The following MNAT1 variants were observed in gnomAD, a reference collection of about 807,000 sequenced individuals.
The protein encoded by MNAT1 is CDK-activating kinase assembly factor MAT1.
A neutral mutation model predicts 42.0 loss-of-function variants in MNAT1; 43 were observed. The ratio of observed to expected loss-of-function variants is 1.02; its 90% confidence interval spans 0.80 to 1.32. The LOEUF is 1.32. MNAT1 is among the 40% of genes most tolerant of loss of function. MNAT1 has a pLI of 0.00. For missense variants in MNAT1, 306 were observed against 350.4 expected, an observed-to-expected ratio of 0.87 and a Z score of 1.01; for synonymous variants, 118 against 120.0, an observed-to-expected ratio of 0.98 and a Z score of 0.11.
chr14:60,857,102 A>C (rs988031580), intron 6 of MNAT1, among the ~76,000 whole-genome samples: 10 of 152,210 alleles, frequency 6.6e-5, no homozygotes, highest in Non-Finnish European at 1.2e-4. Flanking sequence ...TGGCTTGCTG[A>C]ATATTTGAAG....
At chr14:60,769,339 A>G (rs946588602) in intron 1 of MNAT1, among the ~76,000 whole-genome samples, 2 of 152,120 alleles carry the variant, frequency 1.3e-5, no homozygotes, top group Non-Finnish European at 2.9e-5. Context: ...GTGGGACAAC[A>G]TAACTCACTG....
intron 7 of MNAT1, among the ~76,000 whole-genome samples, chr14:60,933,130 G>C (rs1261800061): frequency 6.6e-6 from 1 of 151,968 alleles, no homozygotes; most frequent in Admixed American, 6.6e-5. Context: ...ATATATGGAA[G>C]AGCCTAGAAT....
chr14:60,946,928 C>T (rs903997887), intron 7 of MNAT1, among the ~76,000 whole-genome samples: 6 of 152,130 alleles, frequency 3.9e-5, no homozygotes, highest in Admixed American at 1.3e-4. Context: ...TGATTGCTGG[C>T]GAGGGCTCTC....
At chr14:60,790,243 G>A (rs1157730684) in intron 1 of MNAT1, among the ~76,000 whole-genome samples, 1 of 152,040 alleles carries the variant, frequency 6.6e-6, no homozygotes, top group African/African-American at 2.4e-5. Flanking sequence ...TAAATCTTGG[G>A]ACCCCCAAAA....
At chr14:60,753,869 C>A (rs2030211839) in intron 1 of MNAT1, 1 of 152,178 alleles carries the variant, frequency 6.6e-6, no homozygotes, top group Non-Finnish European at 1.5e-5. Context: ...GCTTGTATAA[C>A]CAATCGAATA....
At chr14:60,776,345 G>T (rs540233064) in intron 1 of MNAT1, among the ~76,000 whole-genome samples, 13 of 151,982 alleles carry the variant, frequency 8.6e-5, no homozygotes, top group East Asian at 7.7e-4. Context: ...CCAGCAGAGA[G>T]ATATATATAT....
chr14:60,831,847 C>T (rs2033229372), intron 6 of MNAT1, among the ~76,000 whole-genome samples: 2 of 152,238 alleles, frequency 1.3e-5, no homozygotes, highest in South Asian at 2.1e-4. Flanking sequence ...CTATTGTTTC[C>T]TGACTTTTTA....
chr14:60,774,266 A>T (rs1483099343), intron 1 of MNAT1, among the ~76,000 whole-genome samples: 2 of 152,194 alleles, frequency 1.3e-5, no homozygotes, highest in Admixed American at 1.3e-4. Context: ...GGAGGCAGCC[A>T]TGGGAAGATT....
intron 6 of MNAT1, among the ~76,000 whole-genome samples, chr14:60,845,495 G>C (rs1047698344): frequency 2.6e-5 from 4 of 151,948 alleles, no homozygotes; most frequent in Non-Finnish European, 5.9e-5. Context: ...AGATGTTGTT[G>C]ATCTAGTCAC....
At chr14:60,821,541 G>A (rs1334826580) in intron 6 of MNAT1, among the ~76,000 whole-genome samples, 1 of 152,060 alleles carries the variant, frequency 6.6e-6, no homozygotes, top group African/African-American at 2.4e-5. Context: ...GTGACTTTAT[G>A]GTGTTTACTC....
At chr14:60,819,085 CTACTT>C (rs997400277) in intron 6 of MNAT1, among the ~76,000 whole-genome samples, 11 of 151,954 alleles carry the variant, frequency 7.2e-5, no homozygotes, top group Admixed American at 3.9e-4. Flanking sequence ...CTTTCTTACT[CTACTT>C]ACATTTTTAA....
At chr14:60,959,449 T>G (rs1425032550) in intron 7 of MNAT1, among the ~76,000 whole-genome samples, 1 of 152,228 alleles carries the variant, frequency 6.6e-6, no homozygotes, top group Non-Finnish European at 1.5e-5. Context: ...TAACTAATGC[T>G]GGTTGCTGAT....
At chr14:60,747,285 A>C (rs2029881222) in intron 1 of MNAT1, among the ~76,000 whole-genome samples, 1 of 152,026 alleles carries the variant, frequency 6.6e-6, no homozygotes, top group Non-Finnish European at 1.5e-5. Context: ...CGCCCTGCCC[A>C]AAATTATGTC....
intron 1 of MNAT1, among the ~76,000 whole-genome samples, chr14:60,775,043 GATCATTTGT>G (rs1221091379): frequency 1.3e-5 from 2 of 152,136 alleles, no homozygotes; most frequent in African/African-American, 4.8e-5. Context: ...GACTGGATAT[GATCATTTGT>G]AGGGGGAGAA....
intron 7 of MNAT1, among the ~76,000 whole-genome samples, chr14:60,959,310 C>T (rs1159956599): frequency 2.0e-5 from 3 of 152,176 alleles, no homozygotes; most frequent in Non-Finnish European, 4.4e-5. Context: ...GCAGAGAAGG[C>T]TGCTGGAATC....
At chr14:60,857,326 G>T (rs1056202683) in intron 6 of MNAT1, among the ~76,000 whole-genome samples, 1 of 152,174 alleles carries the variant, frequency 6.6e-6, no homozygotes, top group Non-Finnish European at 1.5e-5. Flanking sequence ...GACTTAAGCG[G>T]AAGAGGTAAC....
chr14:60,952,715 A>G (rs868655385), intron 7 of MNAT1, among the ~76,000 whole-genome samples: 10 of 152,260 alleles, frequency 6.6e-5, no homozygotes, highest in Middle Eastern at 3.4e-3. Flanking sequence ...CCCAGGTACA[A>G]AGGGCCACCC....
intron 7 of MNAT1, among the ~76,000 whole-genome samples, chr14:60,940,077 T>G (rs929569365): frequency 3.9e-5 from 6 of 152,158 alleles, no homozygotes; most frequent in African/African-American, 1.4e-4. Context: ...TTGTTTTCCA[T>G]TTGTTTGGTA....
rs186347841 is a variant in MNAT1 at position 60,848,224 on chromosome 14, G to A, written c.687+29377G>A. Among the ~76,000 whole-genome samples the A allele has an allele frequency of 3.0e-3, 458 of 152,168 alleles. 4 individuals are homozygous for A. The highest frequency in any genetic ancestry group is 6.1e-3 in the Admixed American group (93 of 15,288). On this transcript the variant is annotated intron_variant, in intron 6 of 7. Transcript: ENST00000261245. ...TTTCTTTTAGCCGTTTGAATATATCGTTCCACTACCTTCTGACTTCTATGG... is the reference window on the plus strand; with the variant it reads ...TTTCTTTTAGCCGTTTGAATATATCATTCCACTACCTTCTGACTTCTATGG...
Sources: gnomAD v4.1 joint callset for allele counts (sites outside exome capture counted in the v4.1 genomes callset) on GRCh38, gnomAD v4.1.1 for gene constraint, MANE v1.5 for transcripts, NCBI Gene and HGNC (gene_info 2026-07-23, HGNC 2026-07-21) for gene names.